Variants in SLC25A32 observed in about 807,000 individuals in gnomAD.
SLC25A32 encodes Glycine auxotroph B, complementation of hamster.
Under a neutral mutation model 39.0 loss-of-function variants are expected in SLC25A32, and 32 were observed. That is an observed-to-expected ratio of 0.82 (90% CI 0.62 to 1.10). The LOEUF is 1.10. SLC25A32 is among the 50% of genes least tolerant of loss of function. The pLI, the probability that SLC25A32 is intolerant of heterozygous loss-of-function variation, is 0.00. For synonymous variants in SLC25A32, 166 were observed against 152.4 expected, an observed-to-expected ratio of 1.09 and a Z score of -0.66; for missense variants, 367 against 395.3, an observed-to-expected ratio of 0.93 and a Z score of 0.61.
Position 103,402,210 on chromosome 8 carries a change from G to A in SLC25A32, c.553-156C>T, listed in dbSNP as rs2118058. On this transcript the variant is annotated intron_variant, in intron 4 of 6. Transcript: ENST00000297578. Reference sequence around the variant, plus strand: ...TTTTAAAATATGGGGTTAAAAACTTGTAATATAAAGACATGGGTAGTATTC... The same window carrying A: ...TTTTAAAATATGGGGTTAAAAACTTATAATATAAAGACATGGGTAGTATTC... 4.1e-3 allele frequency: 2,196 copies of A among 531,256 alleles called. 44 individuals carry two copies. The highest frequency in any genetic ancestry group is 0.038 in the African/African-American group (1,971 of 51,422). The allele number at this position is 531,256 out of a possible 1,614,324, so 32.9% of individuals were successfully genotyped here.
chr8:103,404,114 A>G (rs1249369862), intron 3 of SLC25A32, among the ~76,000 whole-genome samples: 3 of 152,228 alleles, frequency 2.0e-5, no homozygotes, highest in African/African-American at 4.8e-5. Flanking sequence ...GATAGTATAC[A>G]TAAGTGAGGC....
At chr8:103,414,760 C>G (rs759116286) in intron 1 of SLC25A32, 24 bp downstream of exon 1, 390 of 1,612,956 alleles carry the variant, frequency 2.4e-4, no homozygotes, top group Non-Finnish European at 3.2e-4. Flanking sequence ...GAGGATGCAG[C>G]CCGGTGTCTG....
At position 103,398,984 on chromosome 8, in the gene SLC25A32, A is replaced by C. The variant is rs993663880; in HGVS notation, c.*1427T>G. On this transcript the variant is annotated 3_prime_UTR_variant, in exon 7 of 7. Coordinates refer to ENST00000297578, the MANE Select transcript of SLC25A32 (RefSeq NM_030780.5). ...AGATGGCTTTGAAAACAACACTTTT[A>C]TTTACAACAAATAGATGGTAGTGCA... is the stretch of plus-strand genomic sequence containing the variant. 1 of 152,218 alleles carries C rather than the reference A, an allele frequency of 6.6e-6. No individual in the cohort carries two copies. The highest frequency in any genetic ancestry group is 6.5e-5 in the Admixed American group (1 of 15,286). The allele number at this position is 152,218 out of a possible 1,614,324, so 9.4% of individuals were successfully genotyped here. A position where few individuals can be genotyped will look rare whatever the true frequency, so the allele number is the denominator to read the frequency against.
intron 1 of SLC25A32, among the ~76,000 whole-genome samples, 162 bp from the exon 2 acceptor site, chr8:103,407,946 CAT>C (rs1338390764): frequency 6.9e-6 from 1 of 144,348 alleles, no homozygotes; most frequent in African/African-American, 2.5e-5. Flanking sequence ...ATATATATTA[CAT>C]ATATATATAA....
chr8:103,409,292 GTT>G (rs1203829031), intron 1 of SLC25A32, among the ~76,000 whole-genome samples: 1 of 151,998 alleles, frequency 6.6e-6, no homozygotes. Flanking sequence ...ATACAGCTTT[GTT>G]TTCCACTCAA....
intron 5 of SLC25A32, 75 bp downstream of exon 5, chr8:103,401,866 T>C (rs1816225911): frequency 8.1e-7 from 1 of 1,237,884 alleles, no homozygotes; most frequent in Non-Finnish European, 1.1e-6. Flanking sequence ...ACCACCAAAG[T>C]AAGCATGACA....
intron 4 of SLC25A32, 76 bp downstream of exon 4, chr8:103,403,088 C>A: frequency 9.7e-7 from 1 of 1,028,160 alleles, no homozygotes; most frequent in South Asian, 2.0e-5. Context: ...TACTATAGGT[C>A]ATTCAGAACT....
chr8:103,414,848 C>T lies in SLC25A32; in HGVS notation c.90G>A (p.Val30=), dbSNP rs1461067857. ...HVRYENLIAG[V]SGGVLSNLAL... Reference sequence around the variant, plus strand: ...CAAGGTTGGATAAGACGCCGCCGCTCACGCCCGCTATCAGGTTCTCATACC... The same window carrying T: ...CAAGGTTGGATAAGACGCCGCCGCTTACGCCCGCTATCAGGTTCTCATACC... Residue 30 remains valine, a synonymous_variant, in exon 1 of 7, where the codon GTG becomes GTA. Transcript: ENST00000297578. The T allele has an allele frequency of 3.1e-6, 5 of 1,613,660 alleles. No individual in the cohort carries two copies. The highest frequency in any genetic ancestry group is 4.2e-6 in the Non-Finnish European group (5 of 1,180,034).
rs1314218373 is a variant in SLC25A32 at position 103,398,838 on chromosome 8, A to C, written c.*1573T>G. On this transcript the variant is annotated 3_prime_UTR_variant, in exon 7 of 7. Coordinates refer to ENST00000297578, the MANE Select transcript of SLC25A32 (RefSeq NM_030780.5). ...ATCATATTTAACTTATAAAGCATTC[A>C]TCTGCATGTTATAAGATATTACAGT... The C allele has an allele frequency of 1.4e-5, 2 of 145,048 alleles. No individual in the cohort carries two copies. Among genetic ancestry groups the C allele is most frequent in the African/African-American group, 5.2e-5 (2 of 38,690 alleles). The allele number at this position is 145,048 out of a possible 1,614,324, so 9.0% of individuals were successfully genotyped here. A position where few individuals can be genotyped will look rare whatever the true frequency, so the allele number is the denominator to read the frequency against.
chr8:103,412,170 C>T (rs909467156), intron 1 of SLC25A32, among the ~76,000 whole-genome samples: 1 of 152,178 alleles, frequency 6.6e-6, no homozygotes. Flanking sequence ...TCTGTAAGTA[C>T]TAGTTTATTT....
At chr8:103,403,023 T>C (rs1816250422) in intron 4 of SLC25A32, 141 bp downstream of exon 4, 2 of 532,600 alleles carry the variant, frequency 3.8e-6, no homozygotes, top group Non-Finnish European at 6.5e-6. Context: ...TTATTAACTA[T>C]ATTTCAGTTT....
At position 103,414,952 on chromosome 8, in the gene SLC25A32, T is replaced by C; in HGVS notation, c.-15A>G. The C allele has an allele frequency of 1.9e-6, 3 of 1,593,518 alleles. No individual in the cohort carries two copies. Among genetic ancestry groups the C allele is most frequent in the Non-Finnish European group, 2.6e-6 (3 of 1,170,432 alleles). ...TGGCCCGTCATAGGCTCGGGGCCCG[T>C]CGACACCACGGCGCCCAGGGCCGCG... On this transcript the variant is annotated 5_prime_UTR_variant, in exon 1 of 7. Coordinates refer to ENST00000297578, the MANE Select transcript of SLC25A32 (RefSeq NM_030780.5).
At chr8:103,403,444 A>G (rs1264647347) in intron 3 of SLC25A32, 120 bp from the exon 4 acceptor site, 2 of 593,016 alleles carry the variant, frequency 3.4e-6, no homozygotes, top group Non-Finnish European at 5.5e-6. Context: ...AATGCACAGG[A>G]CCATATCTGA....
At position 103,400,203 on chromosome 8, in the gene SLC25A32, G is replaced by T; in HGVS notation, c.*208C>A. ...CATTGTGTTGATGGCAGCCATTTCA[G>T]GCAGAGGTAGCCAAGTTCCATATAT... On this transcript the variant is annotated 3_prime_UTR_variant, in exon 7 of 7. Transcript: ENST00000297578. The T allele has an allele frequency of 1.8e-6, 1 of 560,332 alleles. No homozygotes were observed. Among genetic ancestry groups the T allele is most frequent in the Non-Finnish European group, 3.1e-6 (1 of 322,322 alleles). The allele number at this position is 560,332 out of a possible 1,614,324, so 34.7% of individuals were successfully genotyped here. A position where few individuals can be genotyped will look rare whatever the true frequency, so the allele number is the denominator to read the frequency against.
rs1348336858 is a variant in SLC25A32 at position 103,400,446 on chromosome 8, G to A, written c.913C>T (p.His305Tyr). 2 of 1,614,164 alleles carry A rather than the reference G, an allele frequency of 1.2e-6. No homozygotes were observed. The highest frequency in any genetic ancestry group is 1.3e-5 in the African/African-American group (1 of 75,066). The change falls in exon 7 of 7, where the codon CAT becomes TAT. Residue 305 changes from histidine to tyrosine, a missense_variant. By Grantham distance (83) the His-to-Tyr change is moderately conservative. Coordinates refer to ENST00000297578, the MANE Select transcript of SLC25A32 (RefSeq NM_030780.5). Reference sequence around the variant, plus strand: ...TTTTCTCTAAGGTCAAGTAAAAAATGTGAGACGTTTTCATATACCACAAAG... The same window carrying A: ...TTTTCTCTAAGGTCAAGTAAAAAATATGAGACGTTTTCATATACCACAAAG... ...ITFVVYENVSHFLLDLREKRK is the reference protein window; with the variant it reads ...ITFVVYENVSYFLLDLREKRK
intron 1 of SLC25A32, among the ~76,000 whole-genome samples, chr8:103,411,490 C>T (rs145405397): frequency 5.9e-5 from 9 of 151,968 alleles, no homozygotes; most frequent in African/African-American, 1.4e-4. Context: ...TTACTGCAAG[C>T]GCTCTAATTA....
intron 1 of SLC25A32, among the ~76,000 whole-genome samples, chr8:103,413,202 T>C (rs1277103638): frequency 6.6e-6 from 1 of 152,212 alleles, no homozygotes; most frequent in Non-Finnish European, 1.5e-5. Flanking sequence ...AAGCACTGTC[T>C]AAACTCATCA....
chr8:103,412,012 A>G (rs1431796068), intron 1 of SLC25A32, among the ~76,000 whole-genome samples: 3 of 152,216 alleles, frequency 2.0e-5, no homozygotes, highest in African/African-American at 7.2e-5. Flanking sequence ...TTACTTTGCA[A>G]CCCTGAGTAA....
chr8:103,403,184 C>T lies in SLC25A32; in HGVS notation c.532G>A (p.Gly178Ser), dbSNP rs1373930678. The stretch of plus-strand genomic sequence containing the variant: ...GTTACCTTATATAATCCACGCACAC[C>T]TTCATACTTATATATTTTCACAAGT... ...DTLVKIYKYE[G>S]VRGLYKGFVP... The change falls in exon 4 of 7, where the codon GGT becomes AGT. Residue 178 changes from glycine (G) to serine (S), a missense_variant. Gly to Ser is a moderately conservative substitution (Grantham distance 56). Transcript: ENST00000297578. The T allele has an allele frequency of 1.2e-6, 2 of 1,608,436 alleles. No homozygotes were observed. The highest frequency in any genetic ancestry group is 8.5e-7 in the Non-Finnish European group (1 of 1,176,364).
Sources: allele counts gnomAD v4.1 joint callset (sites outside exome capture counted in the v4.1 genomes callset), GRCh38; gene constraint gnomAD v4.1.1; transcripts MANE v1.5; gene names NCBI Gene and HGNC (gene_info 2026-07-23, HGNC 2026-07-21).